Variants in MIER2 observed in about 807,000 individuals in gnomAD.
MIER2 encodes MIER family member 2.
In MIER2, 30 loss-of-function variants were observed where a neutral mutation model predicts 67.6. That is an observed-to-expected ratio of 0.44 (90% confidence interval 0.33 to 0.60). The LOEUF (loss-of-function observed/expected upper bound fraction) is 0.60. Among genes scored for constraint, MIER2 ranks in the 20% least tolerant of loss-of-function variants. The probability of loss-of-function intolerance (pLI) is 0.02; values close to 1 mark genes in which losing one functional copy is unlikely to be tolerated. For missense variants in MIER2, 702 were observed against 745.1 expected (o/e 0.94, Z 0.67); for synonymous variants, 372 against 312.6 (o/e 1.19, Z -2.00).
rs757251634 is a variant in MIER2, at chr19:308,932, G to A, written c.985-7C>T. 6.3e-6 allele frequency: 10 copies of A among 1,594,550 alleles called. No individual in the cohort carries two copies. The African/African-American group carries it at 9.4e-5, about 15-fold the overall frequency. On this transcript the variant is annotated splice_polypyrimidine_tract_variant and splice_region_variant and intron_variant, in intron 10 of 13. Coordinates refer to ENST00000264819, the MANE Select transcript of MIER2 (RefSeq NM_017550.3). This position sits in a 1 kb window ranked among gnomAD's most constrained non-coding sequence, Gnocchi z 9.1. Reference sequence around the variant, plus strand: ...CCACTGACCGTGTGCGCACCTGCGGGGAGGGGTCAGGAGCCATCTCTGTCC... The same window carrying A: ...CCACTGACCGTGTGCGCACCTGCGGAGAGGGGTCAGGAGCCATCTCTGTCC...
chr19:324,906 T>C (rs919671969), intron 7 of MIER2, among the ~76,000 whole-genome samples: 2 of 152,236 alleles, frequency 1.3e-5, no homozygotes, highest in African/African-American at 4.8e-5. Context: ...TGCACCTTCC[T>C]GGCTCCGTCC....
Position 306,259 on chromosome 19 carries a change from G to A in MIER2, c.*431C>T, listed in dbSNP as rs994492772. 13 of 210,458 alleles carry A rather than the reference G, an allele frequency of 6.2e-5. No individual in the cohort carries two copies. The highest frequency in any genetic ancestry group is 1.2e-4 in the African/African-American group (5 of 42,556). The allele number at this position is 210,458 out of a possible 1,614,324, so 13.0% of individuals were successfully genotyped here. ...GAGAGACAGAGCCAAGCAGGGAGCT[G>A]AGGGCGCCCCGGCGGAGGCTGCTGG... On this transcript the variant is annotated 3_prime_UTR_variant, in exon 14 of 14. Transcript: ENST00000264819.
In MIER2 at chr19:307,196, G is replaced by A; in HGVS notation, c.1539C>T (p.Gly513=). ...CCAGGAAGGGGTTCACGTCCCCAAT[G>A]CCGATGAGTCCAAACTCGGTGACCG... ...ALSVTEFGLI[G]IGDVNPFLAA... The change falls in exon 13 of 14, where the codon GGC becomes GGT. Residue 513 remains glycine (G), a synonymous_variant. Coordinates refer to ENST00000264819, the MANE Select transcript of MIER2 (RefSeq NM_017550.3). 1.9e-6 allele frequency: 3 copies of A among 1,591,038 alleles called. No individual in the cohort carries two copies. The highest frequency in any genetic ancestry group is 1.7e-6 in the Non-Finnish European group (2 of 1,168,938).
chr19:310,292 G>A (rs913494336), intron 10 of MIER2, among the ~76,000 whole-genome samples: 4 of 152,196 alleles, frequency 2.6e-5, no homozygotes, highest in East Asian at 1.9e-4. Context: ...CATGCTCACC[G>A]CTGCGAGAAC....
chr19:323,400 G>T (rs571427205), intron 7 of MIER2, among the ~76,000 whole-genome samples: 1 of 147,466 alleles, frequency 6.8e-6, no homozygotes, highest in African/African-American at 2.5e-5. Context: ...ATGACTCAAA[G>T]AACAGACATC....
chr19:344,459 G>T, intron 1 of MIER2: 2 of 826,298 alleles, frequency 2.4e-6, no homozygotes, highest in South Asian at 5.5e-5. Flanking sequence ...GCGCCCACCG[G>T]ACCCCCGACA....
intron 7 of MIER2, among the ~76,000 whole-genome samples, chr19:322,103 C>T (rs1453065877): frequency 6.6e-6 from 1 of 152,006 alleles, no homozygotes; most frequent in African/African-American, 2.4e-5. Context: ...CGGGGTTTCA[C>T]CGTGTTAGCC....
rs1970615037 is a variant in MIER2, at chr19:305,611, G to A, written c.*1079C>T. On this transcript the variant is annotated 3_prime_UTR_variant, in exon 14 of 14. Coordinates refer to ENST00000264819, the MANE Select transcript of MIER2 (RefSeq NM_017550.3). ...CAAGTTTAATAAATAAAACAGCAAA[G>A]GGGGGTTCAAGGCAGTTATCACTTC... The A allele has an allele frequency of 6.6e-6, 1 of 152,482 alleles. No individual in the cohort carries two copies. The highest frequency in any genetic ancestry group is 1.5e-5 in the Non-Finnish European group (1 of 68,074). 9.4% of individuals were successfully genotyped at this position (152,482 alleles called of 1,614,324 possible).
intron 7 of MIER2, among the ~76,000 whole-genome samples, chr19:322,682 C>G (rs567865342): frequency 6.6e-6 from 1 of 152,118 alleles, no homozygotes; most frequent in Non-Finnish European, 1.5e-5. Flanking sequence ...CAGTGGCAAA[C>G]ACCGAGAATG....
intron 1 of MIER2, among the ~76,000 whole-genome samples, chr19:341,097 T>G (rs1210433999): frequency 6.6e-6 from 1 of 152,190 alleles, no homozygotes; most frequent in Admixed American, 6.5e-5. Flanking sequence ...GAAAGCATCC[T>G]AAGTGACCTC....
rs1971044263 is a variant in MIER2, at chr19:312,133, C to T, written c.889+58G>A. 6 of 1,206,916 alleles carry T rather than the reference C, an allele frequency of 5.0e-6. 1 individual carries two copies. In the Admixed American group the frequency reaches 6.8e-5, roughly 14 times the overall value. The allele number at this position is 1,206,916 out of a possible 1,614,324, so 74.8% of individuals were successfully genotyped here. On this transcript the variant is annotated intron_variant, in intron 9 of 13. Coordinates refer to ENST00000264819, the MANE Select transcript of MIER2 (RefSeq NM_017550.3). Reference sequence around the variant, plus strand: ...GAAGGAAGGCCCAGGCCGGGGAGAACGGTCAGCAGTGCCCAGGGCGGGGCC... The same window carrying T: ...GAAGGAAGGCCCAGGCCGGGGAGAATGGTCAGCAGTGCCCAGGGCGGGGCC...
chr19:327,823 C>T (rs758073132), intron 4 of MIER2, 41 bp downstream of exon 4: 1 of 1,608,302 alleles, frequency 6.2e-7, no homozygotes, highest in Non-Finnish European at 8.5e-7. Flanking sequence ...GGCCCCCCCA[C>T]CTTCAGCTGT....
At chr19:341,301 G>T (rs1424021030) in intron 1 of MIER2, among the ~76,000 whole-genome samples, 1 of 141,328 alleles carries the variant, frequency 7.1e-6, no homozygotes, top group Non-Finnish European at 1.6e-5. Flanking sequence ...AGTCCCGCAG[G>T]CTTGAGATCC....
intron 3 of MIER2, chr19:330,144 G>A (rs1971952659): frequency 6.6e-6 from 1 of 152,074 alleles, no homozygotes; most frequent in African/African-American, 2.4e-5. Context: ...CAAGCCAGGG[G>A]GGCTGTTACT....
chr19:306,659 C>G lies in MIER2; in HGVS notation c.*31G>C. On this transcript the variant is annotated 3_prime_UTR_variant, in exon 14 of 14. Transcript: ENST00000264819. ...GCCCAGCGGCAGCGCTAAGTCCAGT[C>G]TGGGCCGCATACGCCGCCCGCGGCC... The G allele has an allele frequency of 6.4e-7, 1 of 1,552,044 alleles. No individual in the cohort carries two copies. Among genetic ancestry groups the G allele is most frequent in the Non-Finnish European group, 8.7e-7 (1 of 1,147,452 alleles).
At chr19:326,425 A>G (rs1971751704) in intron 6 of MIER2, 82 bp downstream of exon 6, 2 of 1,300,260 alleles carry the variant, frequency 1.5e-6, no homozygotes, top group South Asian at 2.4e-5. Context: ...GAGACGGCAG[A>G]GCCACGGTCG....
In MIER2 at chr19:306,594, C is replaced by T. The variant is rs1397042631; in HGVS notation, c.*96G>A. The T allele has an allele frequency of 2.7e-6, 4 of 1,504,302 alleles. No individual in the cohort carries two copies. The highest frequency in any genetic ancestry group is 2.0e-5 in the Admixed American group (1 of 50,690). 93.2% of individuals were successfully genotyped at this position (1,504,302 alleles called of 1,614,324 possible). ...CAGAAGGAGGTGCTACCCCAAGGCC[C>T]GGGGGGTGGGGAAGGGGTCAGGAAG... On this transcript the variant is annotated 3_prime_UTR_variant, in exon 14 of 14. Coordinates refer to ENST00000264819, the MANE Select transcript of MIER2 (RefSeq NM_017550.3).
At chr19:315,873 G>A (rs1971215959) in intron 7 of MIER2, among the ~76,000 whole-genome samples, 2 of 152,220 alleles carry the variant, frequency 1.3e-5, no homozygotes, top group Admixed American at 6.5e-5. Context: ...GACACACGAA[G>A]ACGTGTGCAC....
intron 7 of MIER2, 57 bp downstream of exon 7, chr19:325,578 C>A (rs1600148354): frequency 6.3e-7 from 1 of 1,595,464 alleles, no homozygotes; most frequent in South Asian, 1.1e-5. Flanking sequence ...TGACGTCCAG[C>A]CAGGCCACTC....
Sources: gnomAD v4.1 joint callset for allele counts (sites outside exome capture counted in the v4.1 genomes callset) on GRCh38, gnomAD v4.1.1 for gene constraint, Gnocchi (gnomAD v3.1) non-coding constraint, MANE v1.5 for transcripts, NCBI Gene and HGNC (gene_info 2026-07-23, HGNC 2026-07-21) for gene names.